SVEP1: variants seen among roughly 807,000 people sequenced by gnomAD.
SVEP1 encodes sushi, von Willebrand factor type A, EGF and pentraxin domain-containing protein 1.
SVEP1 carries 164 observed loss-of-function variants against 367.3 expected under a neutral mutation model. That is an observed-to-expected ratio of 0.45 (90% CI 0.39 to 0.51). The LOEUF (loss-of-function observed/expected upper bound fraction) is 0.51, where lower values mean the gene tolerates loss of function less well. Among genes scored for constraint, SVEP1 ranks in the 20% least tolerant of loss-of-function variants. The probability of loss-of-function intolerance (pLI) is 0.00; values close to 1 mark genes in which losing one functional copy is unlikely to be tolerated. For synonymous variants in SVEP1, 1,666 were observed against 1,611.6 expected, an observed-to-expected ratio of 1.03 and a Z score of -0.81; for missense variants, 4,117 against 4,425.3, an observed-to-expected ratio of 0.93 and a Z score of 1.98.
In SVEP1 at chr9:110,407,071, C is replaced by T. The variant is rs1280571936; in HGVS notation, c.8529G>A (p.Gln2843=). ...CSSPPVSANG[Q]VRGDEYTFQK... ...GGAATGTGTACTCGTCTCCTCTCACCTGGCCATTGGCTGAGACTGGGGGTG... is the reference window on the plus strand; with the variant it reads ...GGAATGTGTACTCGTCTCCTCTCACTTGGCCATTGGCTGAGACTGGGGGTG... The change falls in exon 38 of 48, where the codon CAG becomes CAA. Residue 2843 remains glutamine (Q), a synonymous_variant. Coordinates refer to ENST00000374469, the MANE Select transcript of SVEP1 (RefSeq NM_153366.4). 1 of 1,613,872 alleles carries T rather than the reference C, an allele frequency of 6.2e-7. No homozygotes were observed. Among genetic ancestry groups the T allele is most frequent in the Admixed American group, 1.7e-5 (1 of 60,006 alleles).
intron 8 of SVEP1, 80 bp from the exon 9 acceptor site, chr9:110,489,859 T>C: frequency 1.4e-6 from 2 of 1,436,228 alleles, no homozygotes; most frequent in South Asian, 3.3e-5. Context: ...TTATTAGTAA[T>C]GTTAACAATG....
intron 3 of SVEP1, among the ~76,000 whole-genome samples, chr9:110,535,372 C>A (rs777627728): frequency 2.0e-5 from 3 of 152,084 alleles, no homozygotes; most frequent in Admixed American, 1.3e-4. Flanking sequence ...TTCCATTGGT[C>A]TATGTGTCTG....
At chr9:110,427,302 C>CAAAAAAAAA in intron 36 of SVEP1, among the ~76,000 whole-genome samples, 1 of 81,936 alleles carries the variant, frequency 1.2e-5, no homozygotes, top group Non-Finnish European at 2.3e-5. Flanking sequence ...GACTCTGTCT[C>CAAAAAAAAA]AAAAAAAAAA....
intron 18 of SVEP1, among the ~76,000 whole-genome samples, chr9:110,462,838 G>C (rs772054560): frequency 7.2e-5 from 11 of 151,900 alleles, no homozygotes; most frequent in Non-Finnish European, 1.2e-4. Flanking sequence ...GCTGTTCTCT[G>C]ACAGTGTTAA....
chr9:110,370,031 C>T lies in SVEP1; in HGVS notation c.10601-15G>A. 1.2e-6 allele frequency: 2 copies of T among 1,606,510 alleles called. No homozygotes were observed. Among genetic ancestry groups the T allele is most frequent in the Non-Finnish European group, 1.7e-6 (2 of 1,175,112 alleles). On this transcript the variant is annotated splice_polypyrimidine_tract_variant and intron_variant, in intron 46 of 47. Coordinates refer to ENST00000374469, the MANE Select transcript of SVEP1 (RefSeq NM_153366.4). Reference sequence around the variant, plus strand: ...CTGGCAAACAGCTGGAATAAAAAACCCATGCATTTATTTAATTAATACTTA... The same window carrying T: ...CTGGCAAACAGCTGGAATAAAAAACTCATGCATTTATTTAATTAATACTTA...
At chr9:110,403,367 C>T (rs1274953074) in intron 39 of SVEP1, among the ~76,000 whole-genome samples, 1 of 128,560 alleles carries the variant, frequency 7.8e-6, no homozygotes, top group African/African-American at 3.0e-5. Context: ...TGCAGTGGCG[C>T]AATCTCGGTT....
chr9:110,560,640 C>G (rs1172804835), intron 1 of SVEP1, among the ~76,000 whole-genome samples: 1 of 152,170 alleles, frequency 6.6e-6, no homozygotes, highest in African/African-American at 2.4e-5. Context: ...GCTCCTCAAA[C>G]TCAACATACC....
intron 39 of SVEP1, among the ~76,000 whole-genome samples, chr9:110,403,296 GTTTTTTTTTTT>G (rs71371665): frequency 5.5e-4 from 24 of 43,462 alleles, no homozygotes; most frequent in South Asian, 1.4e-3. Flanking sequence ...CGCCACCGCC[GTTTTTTTTTTT>G]TTTTTTTTTT....
At position 110,455,791 on chromosome 9, in the gene SVEP1, T is replaced by G. The variant is rs1828768181; in HGVS notation, c.3674-88A>C. The G allele has an allele frequency of 2.9e-6, 3 of 1,044,274 alleles. No homozygotes were observed. In the Admixed American group the frequency reaches 9.4e-5, roughly 33 times the overall value. The allele number at this position is 1,044,274 out of a possible 1,614,324, so 64.7% of individuals were successfully genotyped here. ...GATCATTTAAAGGTAATTATCTCAA[T>G]AATCAGAATTTTTAAATGGGTAGTG... On this transcript the variant is annotated intron_variant, in intron 21 of 47. Transcript: ENST00000374469.
At chr9:110,577,972 A>T (rs909048507) in intron 1 of SVEP1, among the ~76,000 whole-genome samples, 1 of 152,190 alleles carries the variant, frequency 6.6e-6, no homozygotes, top group Non-Finnish European at 1.5e-5. Flanking sequence ...ATATGTGGCA[A>T]ATTTACTGCT....
chr9:110,512,769 T>C, intron 5 of SVEP1, 157 bp downstream of exon 5: 1 of 867,618 alleles, frequency 1.2e-6, no homozygotes, highest in Non-Finnish European at 1.8e-6. Flanking sequence ...TTGAACTTGG[T>C]AATTCTGATT....
chr9:110,466,760 CAA>C lies in SVEP1; in HGVS notation c.3161-736_3161-735del, dbSNP rs71371670. On this transcript the variant is annotated intron_variant, in intron 17 of 47. Coordinates refer to ENST00000374469, the MANE Select transcript of SVEP1 (RefSeq NM_153366.4). ...TGGGCGACAGAGCGAGACTCCATCT[CAA>C]AAAAAAAAAAAAAAAAGAACTGGCT... Among the ~76,000 whole-genome samples the C allele has an allele frequency of 3.0e-4, 14 of 46,406 alleles. 3 individuals carry two copies. In the East Asian group the frequency reaches 6.3e-3, roughly 21 times the overall value. The allele number at this position is 46,406 out of a possible 152,430, so 30.4% of individuals were successfully genotyped here. A position where few individuals can be genotyped will look rare whatever the true frequency, so the allele number is the denominator to read the frequency against.
chr9:110,432,343 G>A (rs1828363376), intron 31 of SVEP1, 119 bp downstream of exon 31: 2 of 1,332,252 alleles, frequency 1.5e-6, no homozygotes, highest in Admixed American at 2.6e-5. Context: ...CTTGGCCAGA[G>A]CTTACTGGGA....
intron 18 of SVEP1, among the ~76,000 whole-genome samples, 176 bp downstream of exon 18, chr9:110,465,689 A>G (rs1258313271): frequency 6.6e-6 from 1 of 152,180 alleles, no homozygotes; most frequent in African/African-American, 2.4e-5. Flanking sequence ...ATTTATACCT[A>G]AGTGTTAACT....
At chr9:110,500,181 T>A (rs1829511206) in intron 6 of SVEP1, among the ~76,000 whole-genome samples, 1 of 152,130 alleles carries the variant, frequency 6.6e-6, no homozygotes, top group Admixed American at 6.6e-5. Flanking sequence ...CAAAAGCCAT[T>A]TTTTTTCCAA....
rs373092005 is a variant in SVEP1, at chr9:110,469,044, C to T, written c.3056G>A (p.Arg1019Gln). The T allele has an allele frequency of 4.6e-5, 74 of 1,613,818 alleles. No homozygotes were observed. The highest frequency in any genetic ancestry group is 4.0e-4 in the African/African-American group (30 of 75,030). ...TTCTTCATCTTGATAGGATCCGATC[C>T]GGCAGCTTTCACAGGTGAAATGTTC... is the stretch of plus-strand genomic sequence containing the variant. ...NLEHFTCESC[R>Q]IGSYQDEEGQ... Residue 1019 changes from arginine to glutamine, a missense_variant, in exon 17 of 48, where the codon CGG becomes CAG. This residue lies in a region of SVEP1 where 2,174 missense variants were observed against 2,494.3 expected (regional missense o/e 0.87). Transcript: ENST00000374469.
Position 110,471,368 on chromosome 9 carries a change from C to G in SVEP1, c.2994G>C (p.Met998Ile), listed in dbSNP as rs1251821108. Residue 998 changes from methionine (M) to isoleucine (I), a missense_variant, in exon 16 of 48, where the codon ATG (methionine) becomes ATC (isoleucine). Physicochemically the swap from Met to Ile is conservative, Grantham distance 10. Coordinates refer to ENST00000374469, the MANE Select transcript of SVEP1 (RefSeq NM_153366.4). ...GATCACAGGGAACAGTCTTACCACA[C>G]ATACGCCCTCTCAGCACTGAGCCTG... ...CRPGSVLRGR[M>I]CVNCPLGTYY... 1 of 1,613,632 alleles carries G rather than the reference C, an allele frequency of 6.2e-7. No individual in the cohort carries two copies.
chr9:110,488,511 C>G (rs913446090), intron 9 of SVEP1, among the ~76,000 whole-genome samples: 1 of 152,016 alleles, frequency 6.6e-6, no homozygotes, highest in Non-Finnish European at 1.5e-5. Context: ...ACGGGAAAGA[C>G]TAACATCAAG....
At position 110,546,226 on chromosome 9, in the gene SVEP1, T is replaced by C; in HGVS notation, c.853A>G (p.Lys285Glu). 2.5e-6 allele frequency: 4 copies of C among 1,588,000 alleles called. No individual in the cohort carries two copies. Among genetic ancestry groups the C allele is most frequent in the African/African-American group, 1.3e-5 (1 of 74,610 alleles). ...CTTCCCATTCGGTCACAGCAGTCCT[T>C]GCCTTCATCACAAAGATATGAGCAG... is the stretch of plus-strand genomic sequence containing the variant. ...VHCSYLCDEGKDCCDRMGSCK... is the reference protein window; with the variant it reads ...VHCSYLCDEGEDCCDRMGSCK... The change falls in exon 3 of 48, where the codon AAG becomes GAG. Residue 285 changes from lysine to glutamate, a missense_variant. This residue lies in a region of SVEP1 where 2,174 missense variants were observed against 2,494.3 expected (regional missense o/e 0.87). Transcript: ENST00000374469.
Sources: gnomAD v4.1 joint callset for allele counts (sites outside exome capture counted in the v4.1 genomes callset) on GRCh38, gnomAD v4.1.1 for gene constraint, gnomAD v4.1.1 regional missense constraint, MANE v1.5 for transcripts, NCBI Gene and HGNC (gene_info 2026-07-23, HGNC 2026-07-21) for gene names.